SPN: variants seen among roughly 807,000 people sequenced by gnomAD.
The protein encoded by SPN is leukosialin.
Under a neutral mutation model 8.4 loss-of-function variants are expected in SPN, and 6 were observed. That is an observed-to-expected ratio of 0.72 (90% CI 0.39 to 1.42). The LOEUF (loss-of-function observed/expected upper bound fraction) is 1.42. Ranked by LOEUF, SPN falls within the 40% of genes most tolerant of loss-of-function variation. The probability of loss-of-function intolerance (pLI) is 0.02; values close to 1 mark genes in which losing one functional copy is unlikely to be tolerated. For synonymous variants in SPN, 201 were observed against 222.6 expected, an observed-to-expected ratio of 0.90 and a Z score of 0.86; for missense variants, 517 against 530.6, an observed-to-expected ratio of 0.97 and a Z score of 0.25.
In SPN at chr16:29,666,606, C is replaced by T. The variant is rs1966820945; in HGVS notation, c.*1675C>T. On this transcript the variant is annotated 3_prime_UTR_variant, in exon 2 of 2. Coordinates refer to ENST00000652691, the MANE Select transcript of SPN (RefSeq NM_003123.6). ...CAGAGGCAGGGGGAGAGGGGTTTGC[C>T]CTGGTCTCGGGGACTGGTCTGGCTG... 2 of 268,808 alleles carry T rather than the reference C, an allele frequency of 7.4e-6. No homozygotes were observed. The highest frequency in any genetic ancestry group is 1.6e-5 in the Non-Finnish European group (2 of 127,212). The allele number at this position is 268,808 out of a possible 1,614,324, so 16.7% of individuals were successfully genotyped here.
rs1596776164 is a variant in SPN at position 29,670,447 on chromosome 16, T to C, written c.*5516T>C. The stretch of plus-strand genomic sequence containing the variant: ...GAGGTTGCAGTGAGCCGAGATCGTG[T>C]CATTGCACTCTAGTCTGGGCGACAG... On this transcript the variant is annotated 3_prime_UTR_variant, in exon 2 of 2. Coordinates refer to ENST00000652691, the MANE Select transcript of SPN (RefSeq NM_003123.6). 1.2e-5 allele frequency: 2 copies of C among 166,480 alleles called. No homozygotes were observed. Among genetic ancestry groups the C allele is most frequent in the East Asian group, 1.8e-4 (1 of 5,564 alleles). The allele number at this position is 166,480 out of a possible 1,614,324, so 10.3% of individuals were successfully genotyped here.
chr16:29,664,728 G>A lies in SPN; in HGVS notation c.1000G>A (p.Glu334Lys), dbSNP rs1966786128. 1.3e-6 allele frequency: 2 copies of A among 1,481,528 alleles called. No homozygotes were observed. Among genetic ancestry groups the A allele is most frequent in the African/African-American group, 1.4e-5 (1 of 70,854 alleles). The allele number at this position is 1,481,528 out of a possible 1,614,324, so 91.8% of individuals were successfully genotyped here. A position where few individuals can be genotyped will look rare whatever the true frequency, so the allele number is the denominator to read the frequency against. ...CAAGGGCTCTGGGTTCCCCGATGGG[G>A]AGGGGTCTAGCCGTCGGCCCACGCT... ...GDKGSGFPDG[E>K]GSSRRPTLTT... Residue 334 changes from glutamate to lysine, a missense_variant, in exon 2 of 2, where the codon GAG becomes AAG. Transcript: ENST00000652691. The surrounding 1 kb of genome is among the most constrained non-coding windows in gnomAD (Gnocchi z 6.4).
Position 29,663,389 on chromosome 16 carries a change from T to C in SPN, c.-35+73T>C. 4.5e-6 allele frequency: 1 copy of C among 223,490 alleles called. No homozygotes were observed. Among genetic ancestry groups the C allele is most frequent in the Non-Finnish European group, 8.7e-6 (1 of 114,718 alleles). 13.8% of individuals were successfully genotyped at this position (223,490 alleles called of 1,614,324 possible). A position where few individuals can be genotyped will look rare whatever the true frequency, so the allele number is the denominator to read the frequency against. On this transcript the variant is annotated intron_variant, in intron 1 of 1. Coordinates refer to ENST00000652691, the MANE Select transcript of SPN (RefSeq NM_003123.6). This position sits in a 1 kb window ranked among gnomAD's most constrained non-coding sequence, Gnocchi z 4.3. ...ATGTGCCTGTGGCTTGAAAAGACTC[T>C]GACAGGTTATGATGGGAAGAGATTG...
rs1433080014 is a variant in SPN at position 29,665,592 on chromosome 16, C to G, written c.*661C>G. 1 of 167,192 alleles carries G rather than the reference C, an allele frequency of 6.0e-6. No homozygotes were observed. Among genetic ancestry groups the G allele is most frequent in the African/African-American group, 2.4e-5 (1 of 41,468 alleles). The allele number at this position is 167,192 out of a possible 1,614,324, so 10.4% of individuals were successfully genotyped here. On this transcript the variant is annotated 3_prime_UTR_variant, in exon 2 of 2. Transcript: ENST00000652691. ...CTGAGTCTCCATCGGCCAAACTTATCTGCCCTGTGATTTCTTTGACAATTC... is the reference window on the plus strand; with the variant it reads ...CTGAGTCTCCATCGGCCAAACTTATGTGCCCTGTGATTTCTTTGACAATTC...
chr16:29,664,339 C>T lies in SPN; in HGVS notation c.611C>T (p.Pro204Leu). The T allele has an allele frequency of 6.2e-7, 1 of 1,613,544 alleles. No homozygotes were observed. Among genetic ancestry groups the T allele is most frequent in the Non-Finnish European group, 8.5e-7 (1 of 1,180,004 alleles). ...ACCTCCACTGGGACCACTGGACCCC[C>T]TGTTACCATGACAACTGGCTCTCTG... ...LETSTGTTGPPVTMTTGSLEP... is the reference protein window; with the variant it reads ...LETSTGTTGPLVTMTTGSLEP... Residue 204 changes from proline to leucine, a missense_variant, in exon 2 of 2, where the codon CCT (proline) becomes CTT (leucine). Transcript: ENST00000652691. The surrounding 1 kb of genome is among the most constrained non-coding windows in gnomAD (Gnocchi z 6.4).
Position 29,664,814 on chromosome 16 carries a change from G to A in SPN, c.1086G>A (p.Lys362=), listed in dbSNP as rs781107267. Residue 362 remains lysine, a synonymous_variant, in exon 2 of 2, where the codon AAG becomes AAA. Coordinates refer to ENST00000652691, the MANE Select transcript of SPN (RefSeq NM_003123.6). The surrounding 1 kb of genome is among the most constrained non-coding windows in gnomAD (Gnocchi z 6.4). ...GCTCCCTGGCGATGGAGGAGCTGAA[G>A]TCTGGGTCAGGCCCCAGCCTCAAAG... ...RQGSLAMEEL[K]SGSGPSLKGE... is the part of the protein sequence containing the mutation. 1.3e-6 allele frequency: 2 copies of A among 1,505,900 alleles called. No individual in the cohort carries two copies. The highest frequency in any genetic ancestry group is 1.8e-6 in the Non-Finnish European group (2 of 1,130,786). The allele number at this position is 1,505,900 out of a possible 1,614,324, so 93.3% of individuals were successfully genotyped here. A position where few individuals can be genotyped will look rare whatever the true frequency, so the allele number is the denominator to read the frequency against.
rs759767874 is a variant in SPN, at chr16:29,670,832, G to A, written c.*5901G>A. The A allele has an allele frequency of 4.4e-5, 20 of 451,238 alleles. No individual in the cohort carries two copies. The highest frequency in any genetic ancestry group is 2.2e-4 in the African/African-American group (11 of 49,768). The allele number at this position is 451,238 out of a possible 1,614,324, so 28.0% of individuals were successfully genotyped here. A position where few individuals can be genotyped will look rare whatever the true frequency, so the allele number is the denominator to read the frequency against. On this transcript the variant is annotated 3_prime_UTR_variant, in exon 2 of 2. Transcript: ENST00000652691. ...TTGTTTATGCTCTTCTGTATTTTCCGAATTTCATACAATAAATATCTGTTA... is the reference window on the plus strand; with the variant it reads ...TTGTTTATGCTCTTCTGTATTTTCCAAATTTCATACAATAAATATCTGTTA...
At position 29,663,589 on chromosome 16, in the gene SPN, C is replaced by T; in HGVS notation, c.-34-106C>T. On this transcript the variant is annotated intron_variant, in intron 1 of 1. Coordinates refer to ENST00000652691, the MANE Select transcript of SPN (RefSeq NM_003123.6). This position sits in a 1 kb window ranked among gnomAD's most constrained non-coding sequence, Gnocchi z 4.3. ...AGCCAGCATGGAAAAAACCGTTAAA[C>T]CGCAGGTTGGGCCTGGCCGTTGGCA... The T allele has an allele frequency of 8.2e-7, 1 of 1,221,346 alleles. No homozygotes were observed. The highest frequency in any genetic ancestry group is 1.1e-6 in the Non-Finnish European group (1 of 885,766). The allele number at this position is 1,221,346 out of a possible 1,614,324, so 75.7% of individuals were successfully genotyped here. A position where few individuals can be genotyped will look rare whatever the true frequency, so the allele number is the denominator to read the frequency against.
Position 29,663,871 on chromosome 16 carries a change from C to A in SPN, c.143C>A (p.Ser48Ter). The change falls in exon 2 of 2, where the codon TCA (serine) becomes TAA (stop). Residue 48 changes from serine (S) to a stop codon, truncating the protein, a stop_gained. Coordinates refer to ENST00000652691, the MANE Select transcript of SPN (RefSeq NM_003123.6). LOFTEE classifies it low-confidence loss of function (END_TRUNC). This position sits in a 1 kb window ranked among gnomAD's most constrained non-coding sequence, Gnocchi z 4.3. ...CTGAGCTCAAAGATGTACACCACTT[C>A]AATAACAAGTGACCCTAAGGCCGAC... Reference protein sequence around the residue: ...EPLSSKMYTTSITSDPKADST... With the variant: ...EPLSSKMYTT 2 of 1,614,146 alleles carry A rather than the reference C, an allele frequency of 1.2e-6. No homozygotes were observed. Among genetic ancestry groups the A allele is most frequent in the Non-Finnish European group, 1.7e-6 (2 of 1,180,032 alleles).
In SPN at chr16:29,663,701, G is replaced by A. The variant is rs1263417679; in HGVS notation, c.-28G>A. On this transcript the variant is annotated 5_prime_UTR_variant, in exon 2 of 2. Coordinates refer to ENST00000652691, the MANE Select transcript of SPN (RefSeq NM_003123.6). The surrounding 1 kb of genome is among the most constrained non-coding windows in gnomAD (Gnocchi z 4.3). ...TCCGGCTGCCCACCTGCAGGTCCCA[G>A]CTCTTGCTCCTGCCTGTTTGCCTGG... 1 of 1,531,680 alleles carries A rather than the reference G, an allele frequency of 6.5e-7. No homozygotes were observed. Among genetic ancestry groups the A allele is most frequent in the Admixed American group, 2.1e-5 (1 of 46,742 alleles). 94.9% of individuals were successfully genotyped at this position (1,531,680 alleles called of 1,614,324 possible).
chr16:29,664,624 T>C lies in SPN; in HGVS notation c.896T>C (p.Val299Ala). The change falls in exon 2 of 2, where the codon GTG becomes GCG. Residue 299 changes from valine (V) to alanine (A), a missense_variant. Physicochemically the swap from Val to Ala is moderately conservative, Grantham distance 64 (BLOSUM62 0). Coordinates refer to ENST00000652691, the MANE Select transcript of SPN (RefSeq NM_003123.6). This position sits in a 1 kb window ranked among gnomAD's most constrained non-coding sequence, Gnocchi z 6.4. ...AGCAGAGGCGGCAAGCGTAACGGGG[T>C]GGTGGACGCCTGGGCTGGGCCAGCC... ...VLSRGGKRNG[V>A]VDAWAGPAQV... 5.7e-6 allele frequency: 9 copies of C among 1,587,446 alleles called. No individual in the cohort carries two copies. The highest frequency in any genetic ancestry group is 6.9e-6 in the Non-Finnish European group (8 of 1,167,858).
Position 29,664,635 on chromosome 16 carries a change from T to C in SPN, c.907T>C (p.Trp303Arg). 2 of 1,575,128 alleles carry C rather than the reference T, an allele frequency of 1.3e-6. No individual in the cohort carries two copies. Among genetic ancestry groups the C allele is most frequent in the South Asian group, 1.2e-5 (1 of 84,722 alleles). ...CAAGCGTAACGGGGTGGTGGACGCC[T>C]GGGCTGGGCCAGCCCAGGTCCCTGA... Reference protein sequence around the residue: ...GGKRNGVVDAWAGPAQVPEEG... With the variant: ...GGKRNGVVDARAGPAQVPEEG... Residue 303 changes from tryptophan to arginine, a missense_variant, in exon 2 of 2, where the codon TGG (tryptophan) becomes CGG (arginine). By Grantham distance (101) the Trp-to-Arg change is moderately radical (BLOSUM62 -3). Transcript: ENST00000652691. This position sits in a 1 kb window ranked among gnomAD's most constrained non-coding sequence, Gnocchi z 6.4.
chr16:29,663,793 C>A lies in SPN; in HGVS notation c.65C>A (p.Thr22Lys). The A allele has an allele frequency of 6.2e-7, 1 of 1,613,408 alleles. No homozygotes were observed. Among genetic ancestry groups the A allele is most frequent in the Non-Finnish European group, 8.5e-7 (1 of 1,179,802 alleles). Residue 22 changes from threonine (T) to lysine (K), a missense_variant, in exon 2 of 2, where the codon ACA becomes AAA. Physicochemically the swap from Thr to Lys is moderately conservative, Grantham distance 78. Coordinates refer to ENST00000652691, the MANE Select transcript of SPN (RefSeq NM_003123.6). The surrounding 1 kb of genome is among the most constrained non-coding windows in gnomAD (Gnocchi z 4.3). ...VVSPDALGST[T>K]AVQTPTSGEP... ...AGCCCAGACGCTCTGGGGAGCACAA[C>A]AGCAGTGCAGACACCCACCTCCGGA...
rs1176364696 is a variant in SPN at position 29,663,324 on chromosome 16, G to A, written c.-35+8G>A. ...TCCTTATCAGCCGAGCCGGTAAGAG[G>A]GTGAGACTTGGTGGGGTAGGGGCCT... is the stretch of plus-strand genomic sequence containing the variant. On this transcript the variant is annotated splice_region_variant and intron_variant, in intron 1 of 1. Transcript: ENST00000652691. This position sits in a 1 kb window ranked among gnomAD's most constrained non-coding sequence, Gnocchi z 4.3. 2 of 165,322 alleles carry A rather than the reference G, an allele frequency of 1.2e-5. No homozygotes were observed. Among genetic ancestry groups the A allele is most frequent in the Non-Finnish European group, 2.6e-5 (2 of 77,432 alleles). The allele number at this position is 165,322 out of a possible 1,614,324, so 10.2% of individuals were successfully genotyped here. A position where few individuals can be genotyped will look rare whatever the true frequency, so the allele number is the denominator to read the frequency against.
rs535543304 is a variant in SPN, at chr16:29,664,374, A to G, written c.646A>G (p.Ser216Gly). The change falls in exon 2 of 2, where the codon AGC (serine) becomes GGC (glycine). Residue 216 changes from serine to glycine, a missense_variant. Coordinates refer to ENST00000652691, the MANE Select transcript of SPN (RefSeq NM_003123.6). The surrounding 1 kb of genome is among the most constrained non-coding windows in gnomAD (Gnocchi z 6.4). ...GACAACTGGCTCTCTGGAGCCCTCC[A>G]GCGGGGCCAGTGGACCCCAGGTCTC... is the stretch of plus-strand genomic sequence containing the variant. ...TMTTGSLEPS[S>G]GASGPQVSSV... 1 of 1,613,552 alleles carries G rather than the reference A, an allele frequency of 6.2e-7. No individual in the cohort carries two copies. The highest frequency in any genetic ancestry group is 1.7e-5 in the Admixed American group (1 of 60,024).
chr16:29,670,099 A>C lies in SPN; in HGVS notation c.*5168A>C, dbSNP rs1355820243. ...GTGGTACCAGCTACTCAAGAGGCGAAGGCAGGGAAGATTGCTTGAGCCCAG... is the reference window on the plus strand; with the variant it reads ...GTGGTACCAGCTACTCAAGAGGCGACGGCAGGGAAGATTGCTTGAGCCCAG... On this transcript the variant is annotated 3_prime_UTR_variant, in exon 2 of 2. Transcript: ENST00000652691. The C allele has an allele frequency of 1.2e-5, 2 of 164,026 alleles. No homozygotes were observed. Among genetic ancestry groups the C allele is most frequent in the Non-Finnish European group, 2.9e-5 (2 of 68,320 alleles). 10.2% of individuals were successfully genotyped at this position (164,026 alleles called of 1,614,324 possible). A position where few individuals can be genotyped will look rare whatever the true frequency, so the allele number is the denominator to read the frequency against.
rs769449035 is a variant in SPN at position 29,668,823 on chromosome 16, T to C, written c.*3892T>C. On this transcript the variant is annotated 3_prime_UTR_variant, in exon 2 of 2. Transcript: ENST00000652691. ...GAAAAGGCATTCCCAGCAGAGGGGATAGCAGGTGGAAATACATAATTAAAA... is the reference window on the plus strand; with the variant it reads ...GAAAAGGCATTCCCAGCAGAGGGGACAGCAGGTGGAAATACATAATTAAAA... The C allele has an allele frequency of 6.0e-6, 1 of 165,888 alleles. No homozygotes were observed. The highest frequency in any genetic ancestry group is 1.5e-5 in the Non-Finnish European group (1 of 67,944). The allele number at this position is 165,888 out of a possible 1,614,324, so 10.3% of individuals were successfully genotyped here.
At position 29,666,614 on chromosome 16, in the gene SPN, C is replaced by T. The variant is rs1051372646; in HGVS notation, c.*1683C>T. On this transcript the variant is annotated 3_prime_UTR_variant, in exon 2 of 2. Coordinates refer to ENST00000652691, the MANE Select transcript of SPN (RefSeq NM_003123.6). ...GGGGGAGAGGGGTTTGCCCTGGTCT[C>T]GGGGACTGGTCTGGCTGGCGCTTCC... 3.6e-5 allele frequency: 10 copies of T among 281,624 alleles called. No homozygotes were observed. The highest frequency in any genetic ancestry group is 6.6e-5 in the African/African-American group (3 of 45,752). 17.4% of individuals were successfully genotyped at this position (281,624 alleles called of 1,614,324 possible).
At position 29,666,516 on chromosome 16, in the gene SPN, TCTCTCTCTCACA is replaced by T. The variant is rs1425984603; in HGVS notation, c.*1587_*1598del. 2 of 127,442 alleles carry T rather than the reference TCTCTCTCTCACA, an allele frequency of 1.6e-5. No homozygotes were observed. Among genetic ancestry groups the T allele is most frequent in the African/African-American group, 8.4e-5 (2 of 23,784 alleles). The allele number at this position is 127,442 out of a possible 1,614,324, so 7.9% of individuals were successfully genotyped here. A position where few individuals can be genotyped will look rare whatever the true frequency, so the allele number is the denominator to read the frequency against. On this transcript the variant is annotated 3_prime_UTR_variant, in exon 2 of 2. Transcript: ENST00000652691. The stretch of plus-strand genomic sequence containing the variant: ...CATGCATGTGCGCTCTCTCTCTCTC[TCTCTCTCTCACA>T]CACACACACACACACACACACACAC...
Sources: gnomAD v4.1 joint callset for allele counts on GRCh38, gnomAD v4.1.1 for gene constraint, Gnocchi (gnomAD v3.1) non-coding constraint, MANE v1.5 for transcripts, NCBI Gene and HGNC (gene_info 2026-07-23, HGNC 2026-07-21) for gene names.